The following OAS2 variants were observed in gnomAD, a reference collection of about 807,000 sequenced individuals.
OAS2 encodes the protein 2'-5'-oligoadenylate synthetase 2, also known as 2'-5'-oligoadenylate synthase 2.
OAS2 carries 67 observed loss-of-function variants against 71.3 expected under a neutral mutation model. The observed-to-expected ratio is 0.94, with a 90% confidence interval of 0.77 to 1.15. OAS2 has a LOEUF of 1.15. Ranked by LOEUF, OAS2 falls within the 50% of genes most tolerant of loss-of-function variation. The pLI, the probability that OAS2 is intolerant of heterozygous loss-of-function variation, is 0.00. For missense variants in OAS2, 789 were observed against 822.5 expected (o/e 0.96, Z 0.50); for synonymous variants, 327 against 321.8 (o/e 1.02, Z -0.17).
chr12:112,983,471 C>G (rs751759825), intron 1 of OAS2, among the ~76,000 whole-genome samples: 10 of 152,106 alleles, frequency 6.6e-5, no homozygotes, highest in Non-Finnish European at 1.3e-4. Context: ...GTGATCCACC[C>G]GCCTCAGCCT....
intron 1 of OAS2, among the ~76,000 whole-genome samples, chr12:112,981,078 C>T: frequency 6.6e-6 from 1 of 152,036 alleles, no homozygotes; most frequent in East Asian, 1.9e-4. Context: ...GTTTTCTTTG[C>T]TGTTGAGTTG....
intron 1 of OAS2, among the ~76,000 whole-genome samples, chr12:112,986,400 C>T (rs147742163): frequency 2.6e-5 from 4 of 152,244 alleles, no homozygotes; most frequent in Admixed American, 6.5e-5. Flanking sequence ...TGTTTGGAAG[C>T]GGCAGCAGCA....
rs935722599 is a variant in OAS2 at position 112,987,370 on chromosome 12, C to T, written c.448+62C>T. On this transcript the variant is annotated intron_variant, in intron 2 of 9. Transcript: ENST00000392583. Reference sequence around the variant, plus strand: ...GAAGCGGGTGCCAGACAGCTCTGTGCAACCTCTAGGCCATGAGTGGGATAG... The same window carrying T: ...GAAGCGGGTGCCAGACAGCTCTGTGTAACCTCTAGGCCATGAGTGGGATAG... 1.2e-5 allele frequency: 19 copies of T among 1,599,722 alleles called. No individual in the cohort carries two copies. The Admixed American group carries it at 2.2e-4, about 19-fold the overall frequency.
At chr12:113,006,646 G>C in intron 8 of OAS2, 46 bp downstream of exon 8, 1 of 1,459,768 alleles carries the variant, frequency 6.9e-7, no homozygotes, top group Non-Finnish European at 9.2e-7. Context: ...ATTTTTACCA[G>C]TAAGCCATGA....
intron 5 of OAS2, among the ~76,000 whole-genome samples, chr12:113,002,464 C>T (rs2044298060): frequency 6.6e-6 from 1 of 152,206 alleles, no homozygotes; most frequent in Non-Finnish European, 1.5e-5. Context: ...CACACCCGCA[C>T]ATGGCGTGTT....
At chr12:112,986,358 G>A (rs917460557) in intron 1 of OAS2, among the ~76,000 whole-genome samples, 1 of 152,162 alleles carries the variant, frequency 6.6e-6, no homozygotes, top group African/African-American at 2.4e-5. Flanking sequence ...GCAGTGGACT[G>A]AACAGGCAGG....
At chr12:113,007,315 G>A (rs1265844776) in intron 8 of OAS2, among the ~76,000 whole-genome samples, 2 of 152,178 alleles carry the variant, frequency 1.3e-5, no homozygotes, top group Admixed American at 1.3e-4. Context: ...GAAGACTTGG[G>A]GCTGTGGCGT....
At chr12:113,008,162 G>A (rs934004857) in intron 9 of OAS2, among the ~76,000 whole-genome samples, 1 of 152,200 alleles carries the variant, frequency 6.6e-6, no homozygotes, top group Non-Finnish European at 1.5e-5. Flanking sequence ...AAGATACCAC[G>A]TCCCTGAGCT....
At chr12:112,985,358 C>T (rs184422765) in intron 1 of OAS2, among the ~76,000 whole-genome samples, 1 of 152,242 alleles carries the variant, frequency 6.6e-6, no homozygotes, top group African/African-American at 2.4e-5. Flanking sequence ...ATTTTTCTCT[C>T]CTTTTGTCTG....
At chr12:112,999,638 A>AT (rs1241258974) in intron 5 of OAS2, among the ~76,000 whole-genome samples, 1 of 152,064 alleles carries the variant, frequency 6.6e-6, no homozygotes, top group Non-Finnish European at 1.5e-5. Context: ...CTGAGCAGTC[A>AT]CCCCTGTGCC....
Position 113,006,597 on chromosome 12 carries a change from A to C in OAS2, c.1653A>C (p.Lys551Asn), listed in dbSNP as rs990843571. Residue 551 changes from lysine (K) to asparagine (N), a missense_variant, in exon 8 of 10, where the codon AAA becomes AAC. Physicochemically the swap from Lys to Asn is moderately conservative, Grantham distance 94. Coordinates refer to ENST00000392583, the MANE Select transcript of OAS2 (RefSeq NM_002535.3). ...DLIRLVKHWY[K>N]ECERKLKPKG... The stretch of plus-strand genomic sequence containing the variant: ...TTCGCCTGGTGAAGCACTGGTACAA[A>C]GAGGTAAGGACAGTCTTTGTTCTGA... 6.2e-7 allele frequency: 1 copy of C among 1,602,180 alleles called. No individual in the cohort carries two copies. The highest frequency in any genetic ancestry group is 1.3e-5 in the African/African-American group (1 of 74,732).
rs557896906 is a variant in OAS2, at chr12:113,006,825, A to G, written c.1656+225A>G. Among the ~76,000 whole-genome samples the G allele has an allele frequency of 2.6e-5, 4 of 152,334 alleles. No homozygotes were observed. The South Asian group carries it at 6.2e-4, about 24-fold the overall frequency. ...GCTACATGTGGTTTACTTTGCCCTC[A>G]CACTGGCCAAAGAATTCTGCAGGAA... is the stretch of plus-strand genomic sequence containing the variant. On this transcript the variant is annotated intron_variant, in intron 8 of 9. Transcript: ENST00000392583.
Position 113,009,683 on chromosome 12 carries a change from C to G in OAS2, c.*428C>G. On this transcript the variant is annotated 3_prime_UTR_variant, in exon 10 of 10. Coordinates refer to ENST00000392583, the MANE Select transcript of OAS2 (RefSeq NM_002535.3). The stretch of plus-strand genomic sequence containing the variant: ...TCCAAGCAGGAAGAAGGAAAAGATA[C>G]CCAAAGGTCAAGAACACAGTGATTT... 1.0e-6 allele frequency: 1 copy of G among 989,430 alleles called. No individual in the cohort carries two copies. The highest frequency in any genetic ancestry group is 1.2e-6 in the Non-Finnish European group (1 of 832,858). The allele number at this position is 989,430 out of a possible 1,614,324, so 61.3% of individuals were successfully genotyped here.
chr12:112,995,694 A>G (rs1445279389), intron 3 of OAS2, among the ~76,000 whole-genome samples: 1 of 152,096 alleles, frequency 6.6e-6, no homozygotes, highest in Admixed American at 6.5e-5. Context: ...CCCCTATTCT[A>G]ACATCTATTA....
intron 5 of OAS2, among the ~76,000 whole-genome samples, chr12:112,998,903 G>A (rs913760428): frequency 4.6e-5 from 7 of 152,126 alleles, no homozygotes; most frequent in Admixed American, 1.3e-4. Context: ...CACATTCATC[G>A]ATACTGTAGG....
chr12:112,988,368 A>G (rs1042578842), intron 2 of OAS2: 1 of 389,092 alleles, frequency 2.6e-6, no homozygotes, highest in African/African-American at 2.2e-5. Flanking sequence ...ATTTATGGAC[A>G]GGAAAAGGAA....
At position 112,978,839 on chromosome 12, in the gene OAS2, A is replaced by G; in HGVS notation, c.177+54A>G. The G allele has an allele frequency of 1.3e-6, 2 of 1,546,926 alleles. No homozygotes were observed. The highest frequency in any genetic ancestry group is 1.8e-4 in the Middle Eastern group (1 of 5,582). On this transcript the variant is annotated intron_variant, in intron 1 of 9. Transcript: ENST00000392583. The surrounding 1 kb of genome is among the most constrained non-coding windows in gnomAD (Gnocchi z 4.2). Reference sequence around the variant, plus strand: ...GGGAGGCAGGAGATTCCACGGCGGCAGCAAGGCCGAGCTACTGGGTGCTGG... The same window carrying G: ...GGGAGGCAGGAGATTCCACGGCGGCGGCAAGGCCGAGCTACTGGGTGCTGG...
intron 1 of OAS2, among the ~76,000 whole-genome samples, chr12:112,984,133 A>G (rs887240763): frequency 6.6e-6 from 1 of 152,218 alleles, no homozygotes; most frequent in African/African-American, 2.4e-5. Flanking sequence ...GTTCCCAGCT[A>G]TTACTGTATT....
chr12:113,010,360 G>C lies in OAS2; in HGVS notation c.*1105G>C. The C allele has an allele frequency of 3.7e-6, 6 of 1,608,752 alleles. No individual in the cohort carries two copies. Among genetic ancestry groups the C allele is most frequent in the Non-Finnish European group, 5.1e-6 (6 of 1,178,328 alleles). On this transcript the variant is annotated 3_prime_UTR_variant, in exon 10 of 10. Transcript: ENST00000392583. ...TAGGAGACATTGCTCTCCCACGTAT[G>C]TTTTTCTTTTTAGACAATGCAGACA...
Sources: allele counts gnomAD v4.1 joint callset (sites outside exome capture counted in the v4.1 genomes callset), GRCh38; gene constraint gnomAD v4.1.1; non-coding constraint Gnocchi (gnomAD v3.1); transcripts MANE v1.5; gene names NCBI Gene and HGNC (gene_info 2026-07-23, HGNC 2026-07-21).